Variants in TAF1D observed in about 807,000 individuals in gnomAD.
TAF1D encodes the protein TATA box-binding protein-associated factor RNA polymerase I subunit D.
In TAF1D, 23 loss-of-function variants were observed where a neutral mutation model predicts 26.2. The ratio of observed to expected loss-of-function variants is 0.88; its 90% confidence interval spans 0.63 to 1.25. The LOEUF is 1.25. Ranked by LOEUF, TAF1D falls within the 50% of genes most tolerant of loss-of-function variation. TAF1D has a pLI of 0.00. For synonymous variants in TAF1D, 100 were observed against 105.6 expected (o/e 0.95, Z 0.33); for missense variants, 299 against 322.0 (o/e 0.93, Z 0.55).
chr11:93,736,382 G>A (rs1355278334), intron 5 of TAF1D, 78 bp from the exon 6 acceptor site: 3 of 1,470,392 alleles, frequency 2.0e-6, no homozygotes, highest in South Asian at 1.4e-5. Context: ...TGAATGCCCT[G>A]GATTACTTCA....
At chr11:93,730,699 T>C (rs1938466093), downstream of TAF1D, 1 of 516,540 alleles carries the variant, frequency 1.9e-6, no homozygotes, top group African/African-American at 1.9e-5. Context: ...ACTGATCCAG[T>C]TGTCCTGTCA....
chr11:93,735,591 C>T lies in TAF1D; in HGVS notation c.*570G>A, dbSNP rs954353052. The T allele has an allele frequency of 2.0e-5, 14 of 709,390 alleles. No homozygotes were observed. The highest frequency in any genetic ancestry group is 5.8e-5 in the South Asian group (1 of 17,294). 43.9% of individuals were successfully genotyped at this position (709,390 alleles called of 1,614,324 possible). On this transcript the variant is annotated 3_prime_UTR_variant, in exon 6 of 6. Transcript: ENST00000448108. ...GAGGCTGAGGCAGAATCGCTTGAACCCGGGAGATGGAGGTTGCAGTAAGCC... is the reference window on the plus strand; with the variant it reads ...GAGGCTGAGGCAGAATCGCTTGAACTCGGGAGATGGAGGTTGCAGTAAGCC...
At chr11:93,730,705 T>C, downstream of TAF1D, 2 of 514,700 alleles carry the variant, frequency 3.9e-6, no homozygotes, top group South Asian at 2.8e-5. Context: ...CCAGTTGTCC[T>C]GTCAGCCCTA....
intron 4 of TAF1D, 50 bp downstream of exon 4, chr11:93,737,014 A>G: frequency 1.4e-6 from 2 of 1,436,262 alleles, no homozygotes; most frequent in Non-Finnish European, 1.9e-6. Context: ...ATTAACATAG[A>G]AATTTAATTT....
chr11:93,739,358 G>T, intron 1 of TAF1D, 27 bp from the exon 2 acceptor site: 2 of 1,513,524 alleles, frequency 1.3e-6, no homozygotes, highest in South Asian at 2.3e-5. Context: ...TAGTAAATAT[G>T]ACAAAGCTTC....
Position 93,738,361 on chromosome 11 carries a change from A to G in TAF1D, c.207T>C (p.Ser69=), listed in dbSNP as rs780180044. 3 of 1,613,948 alleles carry G rather than the reference A, an allele frequency of 1.9e-6. No individual in the cohort carries two copies. The South Asian group carries it at 3.3e-5, about 18-fold the overall frequency. ...VHASDSSSDS[S]FEPIPLTIKA... ...TTATAGTCAATGGTATTGGTTCAAA[A>G]GATGAGTCACTTGATGAATCACTTG... Residue 69 remains serine, a synonymous_variant, in exon 3 of 6, where the codon TCT becomes TCC. Transcript: ENST00000448108.
At chr11:93,734,134 A>C (rs1190494278), downstream of TAF1D, 1 of 153,074 alleles carries the variant, frequency 6.5e-6, no homozygotes, top group Non-Finnish European at 1.5e-5. Flanking sequence ...AGATTTCAGC[A>C]AATTTTAATT....
intron 1 of TAF1D, among the ~76,000 whole-genome samples, 159 bp downstream of exon 1, chr11:93,741,163 G>A (rs1380574999): frequency 6.6e-6 from 1 of 152,220 alleles, no homozygotes; most frequent in African/African-American, 2.4e-5. Flanking sequence ...TACCAGCCGC[G>A]TGGCGCGGAG....
intron 1 of TAF1D, among the ~76,000 whole-genome samples, chr11:93,740,945 C>G (rs1051089226): frequency 6.6e-6 from 1 of 152,202 alleles, no homozygotes; most frequent in East Asian, 1.9e-4. Flanking sequence ...GCGCTTTACC[C>G]GGAGCTAACG....
At position 93,739,340 on chromosome 11, in the gene TAF1D, A is replaced by G. The variant is rs776973536; in HGVS notation, c.-27-9T>C. The G allele has an allele frequency of 1.3e-6, 2 of 1,584,332 alleles. No homozygotes were observed. On this transcript the variant is annotated splice_polypyrimidine_tract_variant and intron_variant, in intron 1 of 5. Transcript: ENST00000448108. ...TTGTTTTAAACAGTTTTCTGAAATT[A>G]TGAAATTTAGTAAATATGACAAAGC...
rs1565244732 is a variant in TAF1D at position 93,739,154 on chromosome 11, C to T, written c.68+83G>A. 3.5e-6 allele frequency: 4 copies of T among 1,143,460 alleles called. No homozygotes were observed. The East Asian group carries it at 9.8e-5, about 28-fold the overall frequency. 70.8% of individuals were successfully genotyped at this position (1,143,460 alleles called of 1,614,324 possible). A position where few individuals can be genotyped will look rare whatever the true frequency, so the allele number is the denominator to read the frequency against. ...TCTAGTTTTCCTTCTTTCCCAATTC[C>T]TGAAAATTATCTTTACTGTCACTCA... On this transcript the variant is annotated intron_variant, in intron 2 of 5. Coordinates refer to ENST00000448108, the MANE Select transcript of TAF1D (RefSeq NM_024116.4).
At chr11:93,732,850 T>A (rs1287189539), downstream of TAF1D, 1 of 234,668 alleles carries the variant, frequency 4.3e-6, no homozygotes, top group African/African-American at 2.3e-5. Context: ...TACGTGACTT[T>A]AGGATGAAAT....
At chr11:93,735,023 G>A, downstream of TAF1D, 5 of 1,241,758 alleles carry the variant, frequency 4.0e-6, no homozygotes, top group Non-Finnish European at 5.2e-6. Flanking sequence ...CTTGGTGTGG[G>A]GATTGCAGGC....
downstream of TAF1D, chr11:93,732,214 A>G (rs916738049): frequency 2.1e-6 from 1 of 485,950 alleles, no homozygotes; most frequent in Admixed American, 2.1e-5. Context: ...GAGGGAAACA[A>G]GCAGAATCAA....
chr11:93,731,993 T>C (rs75595413), downstream of TAF1D: 2,643 of 513,674 alleles, frequency 5.1e-3, 61 homozygotes, highest in African/African-American at 0.047. Context: ...TTTTTACTCA[T>C]AAACATAGCA....
chr11:93,732,047 T>TG (rs766063065), downstream of TAF1D: 3 of 518,722 alleles, frequency 5.8e-6, no homozygotes, highest in Admixed American at 3.9e-5. Context: ...ATGCATACTG[T>TG]GATGGAAGCA....
At chr11:93,736,409 C>T in intron 5 of TAF1D, 105 bp from the exon 6 acceptor site, 1 of 1,434,682 alleles carries the variant, frequency 7.0e-7, no homozygotes, top group Non-Finnish European at 9.1e-7. Flanking sequence ...CTAGAGACTA[C>T]ATGTAGATGT....
At position 93,738,491 on chromosome 11, in the gene TAF1D, G is replaced by T; in HGVS notation, c.77C>A (p.Ser26Tyr). 1 of 1,566,436 alleles carries T rather than the reference G, an allele frequency of 6.4e-7. No homozygotes were observed. The highest frequency in any genetic ancestry group is 8.6e-7 in the Non-Finnish European group (1 of 1,161,976). Residue 26 changes from serine (S) to tyrosine (Y), a missense_variant, in exon 3 of 6, where the codon TCT (serine) becomes TAT (tyrosine). Ser to Tyr is a moderately radical substitution (Grantham distance 144). Transcript: ENST00000448108. ...AGTTTTAAATAAGCTGCTATCAGAA[G>T]AGTTATCACTAGAAAAATGGGAAAA... ...AVELANRSDN[S>Y]SDSSLFKTQC...
At chr11:93,731,921 A>G, downstream of TAF1D, 2 of 429,930 alleles carry the variant, frequency 4.7e-6, no homozygotes, top group South Asian at 3.4e-5. Context: ...GTCCTATAAG[A>G]GCTGAAAATT....
Sources: allele counts gnomAD v4.1 joint callset (sites outside exome capture counted in the v4.1 genomes callset), GRCh38; gene constraint gnomAD v4.1.1; transcripts MANE v1.5; gene names NCBI Gene and HGNC (gene_info 2026-07-23, HGNC 2026-07-21).